The following G6PD variants were observed in gnomAD, a reference collection of about 807,000 sequenced individuals.
G6PD encodes the protein glucose-6-phosphate 1-dehydrogenase.
G6PD carries 2 observed loss-of-function variants against 38.2 expected under a neutral mutation model. The ratio of observed to expected loss-of-function variants is 0.05; its 90% CI spans 0.02 to 0.16. G6PD has a LOEUF of 0.16. Among genes scored for constraint, G6PD ranks in the 10% least tolerant of loss-of-function variants. The pLI is 1.00. For missense variants in G6PD, 310 were observed against 471.6 expected, an observed-to-expected ratio of 0.66 and a Z score of 3.17; for synonymous variants, 188 against 196.0, an observed-to-expected ratio of 0.96 and a Z score of 0.34.
chrX:154,542,203 C>T (rs2070528567), intron 2 of G6PD: 8 of 761,146 alleles, frequency 1.1e-5, no homozygotes, highest in Non-Finnish European at 1.5e-5. Flanking sequence ...AGGCGGGGGC[C>T]GCTGGGTCAT....
In G6PD at chrX:154,531,678, G is replaced by T; in HGVS notation, c.*322C>A. ...TCCCACCCTGGCCCCACTCAGGAGT[G>T]AGACCCAGTGGCCAATAAGCTCTGG... is the stretch of plus-strand genomic sequence containing the variant. On this transcript the variant is annotated 3_prime_UTR_variant, in exon 13 of 13. Coordinates refer to ENST00000393562, the MANE Select transcript of G6PD (RefSeq NM_001360016.2). 1 of 299,613 alleles carries T rather than the reference G, an allele frequency of 3.3e-6. No homozygotes were observed. Among genetic ancestry groups the T allele is most frequent in the Non-Finnish European group, 6.0e-6 (1 of 166,889 alleles). The allele number at this position is 299,613 out of a possible 1,213,427, so 24.7% of individuals were successfully genotyped here. A position where few individuals can be genotyped will look rare whatever the true frequency, so the allele number is the denominator to read the frequency against.
In G6PD at chrX:154,535,719, C is replaced by T. The variant is rs918139118; in HGVS notation, c.267+218G>A. On this transcript the variant is annotated intron_variant, in intron 4 of 12. Transcript: ENST00000393562. ...AATCATGACACCCAACTATGATTGG[C>T]GGAGAAAACGCAGCAGAGCACAGCA... The T allele has an allele frequency of 5.9e-5, 27 of 456,627 alleles. No individual in the cohort carries two copies. In the Admixed American group the frequency reaches 6.0e-4, roughly 10 times the overall value. The allele number at this position is 456,627 out of a possible 1,213,427, so 37.6% of individuals were successfully genotyped here.
intron 2 of G6PD, chrX:154,542,429 G>A: frequency 8.4e-7 from 1 of 1,186,732 alleles, no homozygotes; most frequent in Non-Finnish European, 1.1e-6. Flanking sequence ...AGTCTACAAG[G>A]CCAGAGCTTT....
At chrX:154,546,425 A>G (rs1269141476) in intron 1 of G6PD, among the ~76,000 whole-genome samples, 1 of 112,442 alleles carries the variant, frequency 8.9e-6, no homozygotes, top group Non-Finnish European at 1.9e-5. Context: ...TTCCGACTAC[A>G]GCATCAATTC....
rs782820967 is a variant in G6PD at position 154,535,294 on chromosome X, C to A, written c.359G>T (p.Arg120Leu). Residue 120 changes from arginine to leucine, a missense_variant, in exon 5 of 13, where the codon CGC becomes CTC. Physicochemically the swap from Arg to Leu is moderately radical, Grantham distance 102. This residue lies in a region of G6PD where 96 missense variants were observed against 93.3 expected (regional missense o/e 1.03). Transcript: ENST00000393562. The stretch of plus-strand genomic sequence containing the variant: ...GAGGGCATTCATGTGGCTGTTGAGG[C>A]GCTGGTAGGAGGCTGCATCATCGTA... Reference protein sequence around the residue: ...GQYDDAASYQRLNSHMNALHL... With the variant: ...GQYDDAASYQLLNSHMNALHL... The A allele has an allele frequency of 2.5e-6, 3 of 1,210,432 alleles. No individual in the cohort carries two copies. The African/African-American group carries it at 5.2e-5, about 21-fold the overall frequency.
At chrX:154,545,967 A>C in intron 2 of G6PD, 69 bp downstream of exon 2, 1 of 1,180,792 alleles carries the variant, frequency 8.5e-7, no homozygotes, top group Non-Finnish European at 1.1e-6. Context: ...TGCAACAATT[A>C]GTTGGAAAAG....
At position 154,545,783 on chromosome X, in the gene G6PD, C is replaced by T. The variant is rs7064060; in HGVS notation, c.120+253G>A. 1,108 of 327,941 alleles carry T rather than the reference C, an allele frequency of 3.4e-3. 15 individuals are homozygous for T. Among genetic ancestry groups the T allele is most frequent in the African/African-American group, 0.03 (1,002 of 33,530 alleles). 27.0% of individuals were successfully genotyped at this position (327,941 alleles called of 1,213,427 possible). ...CCAGGAGGCCGAGGTTGCAGTGAGC[C>T]AAGATGGCGCCACTGCACCCCATCC... On this transcript the variant is annotated intron_variant, in intron 2 of 12. Coordinates refer to ENST00000393562, the MANE Select transcript of G6PD (RefSeq NM_001360016.2).
At chrX:154,538,286 C>G (rs782459274) in intron 2 of G6PD, among the ~76,000 whole-genome samples, 1 of 111,564 alleles carries the variant, frequency 9.0e-6, no homozygotes, top group Non-Finnish European at 1.9e-5. Flanking sequence ...TGAGCCACGA[C>G]GACCCACTGA....
intron 8 of G6PD, 35 bp from the exon 9 acceptor site, chrX:154,533,163 G>C: frequency 8.4e-7 from 1 of 1,191,621 alleles, no homozygotes; most frequent in Non-Finnish European, 1.1e-6. Flanking sequence ...TGGGCTCCTT[G>C]GGTGTTGAGT....
intron 1 of G6PD, 96 bp from the exon 2 acceptor site, chrX:154,546,259 G>C: frequency 4.6e-6 from 5 of 1,076,233 alleles, no homozygotes; most frequent in Non-Finnish European, 6.4e-6. Flanking sequence ...CTCACACCAG[G>C]GTGACACCTG....
intron 5 of G6PD, among the ~76,000 whole-genome samples, chrX:154,534,727 G>A (rs192432183): frequency 5.8e-4 from 65 of 111,591 alleles, no homozygotes; most frequent in African/African-American, 1.8e-3. Context: ...CCGGGGGCCC[G>A]TTCCCCTCCT....
chrX:154,547,516 G>A, upstream of G6PD: 2 of 754,952 alleles, frequency 2.6e-6, no homozygotes, highest in Non-Finnish European at 3.1e-6. Context: ...CTTCTCTCCG[G>A]AGCGGGATGC....
Position 154,531,802 on chromosome X carries a change from G to T in G6PD, c.*198C>A. ...GCTCAGGCAGGGTCTGGAGGGGCCAGGATGGTCTCGAGTGCTTGGCAGCTG... is the reference window on the plus strand; with the variant it reads ...GCTCAGGCAGGGTCTGGAGGGGCCATGATGGTCTCGAGTGCTTGGCAGCTG... On this transcript the variant is annotated 3_prime_UTR_variant, in exon 13 of 13. Transcript: ENST00000393562. 1.6e-6 allele frequency: 1 copy of T among 631,188 alleles called. No individual in the cohort carries two copies. The highest frequency in any genetic ancestry group is 2.4e-6 in the Non-Finnish European group (1 of 415,792). The allele number at this position is 631,188 out of a possible 1,213,427, so 52.0% of individuals were successfully genotyped here.
chrX:154,532,521 G>A, intron 10 of G6PD, 46 bp downstream of exon 10: 1 of 1,205,910 alleles, frequency 8.3e-7, no homozygotes, highest in Non-Finnish European at 1.1e-6. Context: ...GAGTCCCCCG[G>A]GCCCAGGCCG....
Position 154,546,020 on chromosome X carries a change from C to T in G6PD, c.120+16G>A, listed in dbSNP as rs782061116. The T allele has an allele frequency of 1.7e-6, 2 of 1,209,208 alleles. No homozygotes were observed. Among genetic ancestry groups the T allele is most frequent in the Non-Finnish European group, 2.2e-6 (2 of 894,688 alleles). On this transcript the variant is annotated intron_variant, in intron 2 of 12. Coordinates refer to ENST00000393562, the MANE Select transcript of G6PD (RefSeq NM_001360016.2). ...CACTTCCTGGCTTTTAAGATTGGGGCCTGGGAGATACTCACCGATGCACCC... is the reference window on the plus strand; with the variant it reads ...CACTTCCTGGCTTTTAAGATTGGGGTCTGGGAGATACTCACCGATGCACCC...
chrX:154,541,320 C>G (rs994965012), intron 2 of G6PD: 1 of 111,743 alleles, frequency 8.9e-6, no homozygotes, highest in Admixed American at 9.5e-5. Flanking sequence ...ACCGGCTCAC[C>G]TTGTTTCAGC....
chrX:154,536,093 G>A (rs782607926), intron 3 of G6PD, 48 bp from the exon 4 acceptor site: 7 of 1,205,921 alleles, frequency 5.8e-6, no homozygotes, highest in Non-Finnish European at 7.9e-6. Flanking sequence ...GCAGGACCAG[G>A]CCTGTCCCTG....
At chrX:154,547,495 G>C, upstream of G6PD, 2 of 755,172 alleles carry the variant, frequency 2.6e-6, no homozygotes, top group South Asian at 6.7e-5. Flanking sequence ...GCAGAGCCTG[G>C]CGGACTCAGA....
intron 2 of G6PD, 24 bp downstream of exon 2, chrX:154,546,012 G>T: frequency 1.7e-6 from 2 of 1,209,106 alleles, no homozygotes; most frequent in South Asian, 3.5e-5. Context: ...TGGCTTTTAA[G>T]ATTGGGGCCT....
Sources: allele counts gnomAD v4.1 joint callset (sites outside exome capture counted in the v4.1 genomes callset), GRCh38; gene constraint gnomAD v4.1.1; regional missense constraint gnomAD v4.1.1; transcripts MANE v1.5; gene names NCBI Gene and HGNC (gene_info 2026-07-23, HGNC 2026-07-21).